Variants in EIF4G3 observed in about 807,000 individuals in gnomAD.
The protein encoded by EIF4G3 is eukaryotic translation initiation factor 4 gamma 3.
A neutral mutation model predicts 186.4 loss-of-function variants in EIF4G3; 34 were observed. The ratio of observed to expected loss-of-function variants is 0.18; its 90% CI spans 0.14 to 0.24. The LOEUF (loss-of-function observed/expected upper bound fraction) is 0.24. EIF4G3 is among the 10% of genes least tolerant of loss of function. EIF4G3 has a pLI of 1.00. For synonymous variants in EIF4G3, 673 were observed against 679.5 expected (o/e 0.99, Z 0.15); for missense variants, 1,536 against 1,948.5 (o/e 0.79, Z 3.99).
At chr1:21,001,424 G>A (rs766108425) in intron 5 of EIF4G3, 112 bp from the exon 6 acceptor site, 8 of 407,614 alleles carry the variant, frequency 2.0e-5, no homozygotes, top group Non-Finnish European at 1.5e-5. Context: ...TAGGGTTGGG[G>A]GTATACAGAA....
chr1:21,017,100 G>C (rs1339087668), intron 4 of EIF4G3, among the ~76,000 whole-genome samples: 2 of 152,106 alleles, frequency 1.3e-5, no homozygotes, highest in Non-Finnish European at 2.9e-5. Context: ...AGCAAAATGT[G>C]GCACATACAT....
At chr1:20,936,115 CAACT>C (rs2095509747) in intron 14 of EIF4G3, among the ~76,000 whole-genome samples, 1 of 152,120 alleles carries the variant, frequency 6.6e-6, no homozygotes, top group South Asian at 2.1e-4. Context: ...CCAACAGGCT[CAACT>C]AACAGGTGTC....
intron 14 of EIF4G3, among the ~76,000 whole-genome samples, chr1:20,910,218 A>G (rs2092971828): frequency 6.6e-6 from 1 of 152,246 alleles, no homozygotes; most frequent in African/African-American, 2.4e-5. Context: ...ATAGGCAGTG[A>G]AGAACTATAA....
chr1:21,053,445 C>T (rs1389224393), intron 3 of EIF4G3, among the ~76,000 whole-genome samples: 4 of 151,152 alleles, frequency 2.6e-5, no homozygotes, highest in African/African-American at 4.9e-5. Flanking sequence ...CCCGGCCAGC[C>T]GCCCCGTCCG....
At chr1:20,911,114 C>T (rs1429146643) in intron 14 of EIF4G3, among the ~76,000 whole-genome samples, 1 of 151,598 alleles carries the variant, frequency 6.6e-6, no homozygotes, top group African/African-American at 2.4e-5. Context: ...ACTATTGGAA[C>T]ACATTCTTAA....
intron 2 of EIF4G3, among the ~76,000 whole-genome samples, chr1:21,160,090 A>C (rs1385794230): frequency 1.3e-5 from 2 of 149,118 alleles, no homozygotes; most frequent in Non-Finnish European, 3.0e-5. Flanking sequence ...TTGGGCAGCA[A>C]GAGCGAAACT....
intron 2 of EIF4G3, among the ~76,000 whole-genome samples, chr1:21,099,105 A>G (rs1278020514): frequency 6.6e-6 from 1 of 152,236 alleles, no homozygotes; most frequent in Non-Finnish European, 1.5e-5. Flanking sequence ...GAAACCATAA[A>G]AAAATGACAA....
At chr1:21,108,236 A>C (rs1376791909) in intron 2 of EIF4G3, among the ~76,000 whole-genome samples, 4 of 152,244 alleles carry the variant, frequency 2.6e-5, no homozygotes, top group Non-Finnish European at 5.9e-5. Context: ...ACCATCTCTT[A>C]GGTAATATCC....
chr1:20,971,274 G>A (rs886335923), intron 11 of EIF4G3, among the ~76,000 whole-genome samples: 9 of 152,176 alleles, frequency 5.9e-5, no homozygotes, highest in African/African-American at 2.2e-4. Flanking sequence ...AAACTACCTG[G>A]ATCTGGACGC....
At chr1:20,990,755 T>G (rs1472812987) in intron 7 of EIF4G3, among the ~76,000 whole-genome samples, 1 of 152,228 alleles carries the variant, frequency 6.6e-6, no homozygotes, top group Non-Finnish European at 1.5e-5. Flanking sequence ...TACAGCACAG[T>G]GGAAACATAA....
At chr1:20,985,050 T>A (rs2079146802) in intron 7 of EIF4G3, among the ~76,000 whole-genome samples, 1 of 152,162 alleles carries the variant, frequency 6.6e-6, no homozygotes, top group Admixed American at 6.5e-5. Flanking sequence ...GGCATGTACT[T>A]TTAACTGTTA....
chr1:21,101,562 G>GAAAAAAAAAAAC (rs1553241665), intron 2 of EIF4G3, among the ~76,000 whole-genome samples: 2 of 35,370 alleles, frequency 5.7e-5, no homozygotes, highest in Admixed American at 5.9e-4. Flanking sequence ...AGGGTCTCAG[G>GAAAAAAAAAAAC]AAAAAAAAAA....
chr1:20,852,057 C>T (rs2073467909), intron 27 of EIF4G3, among the ~76,000 whole-genome samples: 2 of 152,146 alleles, frequency 1.3e-5, no homozygotes, highest in Admixed American at 1.3e-4. Flanking sequence ...TTTCTCTTTT[C>T]TTTTTTGAGA....
intron 23 of EIF4G3, among the ~76,000 whole-genome samples, chr1:20,861,953 G>A (rs111478936): frequency 1.1e-3 from 167 of 151,510 alleles, no homozygotes; most frequent in African/African-American, 3.9e-3. Context: ...CAGCCTGGGC[G>A]ACAGAGTGAG....
chr1:20,873,159 G>A (rs2079700182), intron 20 of EIF4G3, among the ~76,000 whole-genome samples: 1 of 152,020 alleles, frequency 6.6e-6, no homozygotes, highest in Non-Finnish European at 1.5e-5. Flanking sequence ...GTATCTTTTT[G>A]GGTCTGCCCT....
chr1:21,159,510 G>C (rs1372917436), intron 2 of EIF4G3, among the ~76,000 whole-genome samples: 1 of 151,964 alleles, frequency 6.6e-6, no homozygotes, highest in Non-Finnish European at 1.5e-5. Flanking sequence ...GCCGAAGCGG[G>C]CTGATCACCT....
chr1:20,945,155 C>T (rs1350891601), intron 13 of EIF4G3, among the ~76,000 whole-genome samples: 1 of 151,318 alleles, frequency 6.6e-6, no homozygotes, highest in African/African-American at 2.4e-5. Context: ...AAAAAAAACA[C>T]TTATTTTATC....
chr1:20,867,274 G>A (rs553846445), intron 20 of EIF4G3, among the ~76,000 whole-genome samples: 7 of 152,230 alleles, frequency 4.6e-5, no homozygotes, highest in African/African-American at 1.7e-4. Context: ...AAAGAGTGCT[G>A]GAATATGAGT....
At position 21,163,478 on chromosome 1, in the gene EIF4G3, AC is replaced by A. The variant is rs1370169795; in HGVS notation, c.-272+12696del. 2.6e-5 allele frequency among the ~76,000 whole-genome samples: 4 copies of A among 152,340 alleles called. No individual in the cohort carries two copies. The East Asian group carries it at 7.7e-4, about 29-fold the overall frequency. On this transcript the variant is annotated intron_variant, in intron 2 of 36. Coordinates refer to ENST00000602326, the MANE Select transcript of EIF4G3 (RefSeq NM_001391906.1). ...TAAAATTATACATGGACTAATTAAG[AC>A]CCACTTCCTTTGAATATTGAGTAAG...
Sources: gnomAD v4.1 joint callset for allele counts (sites outside exome capture counted in the v4.1 genomes callset) on GRCh38, gnomAD v4.1.1 for gene constraint, MANE v1.5 for transcripts, NCBI Gene and HGNC (gene_info 2026-07-23, HGNC 2026-07-21) for gene names.